The following WASF1 variants were observed in gnomAD, a reference collection of about 807,000 sequenced individuals.
WASF1 encodes WASP family member 1.
Under a neutral mutation model 50.5 loss-of-function variants are expected in WASF1, and 7 were observed. The ratio of observed to expected loss-of-function variants is 0.14; its 90% CI spans 0.08 to 0.26. WASF1 has a LOEUF of 0.26. WASF1 is among the 10% of genes least tolerant of loss of function. The pLI is 1.00. For missense variants in WASF1, 470 were observed against 694.7 expected (o/e 0.68, Z 3.64); for synonymous variants, 205 against 244.0 (o/e 0.84, Z 1.49).
chr6:110,172,247 G>A (rs898489886), intron 2 of WASF1, among the ~76,000 whole-genome samples: 3 of 152,128 alleles, frequency 2.0e-5, no homozygotes, highest in South Asian at 2.1e-4. Flanking sequence ...TGTTTATTGC[G>A]ACACCATTCA....
intron 2 of WASF1, among the ~76,000 whole-genome samples, chr6:110,175,531 A>G (rs1776892855): frequency 6.6e-6 from 1 of 152,152 alleles, no homozygotes; most frequent in Non-Finnish European, 1.5e-5. Context: ...ACTCTCAGGA[A>G]AAAAAGGGGG....
chr6:110,137,865 G>T (rs1775037819), intron 3 of WASF1, among the ~76,000 whole-genome samples: 1 of 152,340 alleles, frequency 6.6e-6, no homozygotes, highest in East Asian at 1.9e-4. Flanking sequence ...CTATTAAAAA[G>T]AAGTTGCAAT....
intron 4 of WASF1, among the ~76,000 whole-genome samples, chr6:110,115,552 C>A: frequency 6.6e-6 from 1 of 152,158 alleles, no homozygotes; most frequent in East Asian, 1.9e-4. Context: ...ACTCAGAACC[C>A]CATTAGTTTC....
At chr6:110,116,920 A>G (rs1773838731) in intron 4 of WASF1, among the ~76,000 whole-genome samples, 1 of 152,276 alleles carries the variant, frequency 6.6e-6, no homozygotes, top group Admixed American at 6.5e-5. Context: ...GCAAACTCCA[A>G]CAGACCTGTA....
At chr6:110,131,923 C>T (rs1014014674) in intron 3 of WASF1, among the ~76,000 whole-genome samples, 20 of 152,182 alleles carry the variant, frequency 1.3e-4, no homozygotes, top group African/African-American at 4.8e-4. Flanking sequence ...TCAAGTCACA[C>T]ATAACACATA....
intron 6 of WASF1, among the ~76,000 whole-genome samples, chr6:110,108,305 T>C (rs1200214524): frequency 6.6e-6 from 1 of 152,158 alleles, no homozygotes; most frequent in Non-Finnish European, 1.5e-5. Context: ...GTGGCTTTTC[T>C]AAACTTGTAA....
chr6:110,103,172 G>C (rs1338372700), intron 9 of WASF1, among the ~76,000 whole-genome samples: 1 of 152,116 alleles, frequency 6.6e-6, no homozygotes, highest in African/African-American at 2.4e-5. Flanking sequence ...CCTGCTCCCT[G>C]TTTTTATAAA....
chr6:110,172,137 G>A (rs1776747590), intron 2 of WASF1, among the ~76,000 whole-genome samples: 1 of 152,138 alleles, frequency 6.6e-6, no homozygotes, highest in South Asian at 2.1e-4. Context: ...ATTCCTCAAG[G>A]ATCTAGAACT....
At chr6:110,138,420 G>T (rs1775066324) in intron 3 of WASF1, among the ~76,000 whole-genome samples, 2 of 152,228 alleles carry the variant, frequency 1.3e-5, no homozygotes, top group African/African-American at 4.8e-5. Context: ...GGCAAGTGAG[G>T]ATCATGTTTC....
intron 3 of WASF1, among the ~76,000 whole-genome samples, chr6:110,140,372 TG>T (rs1461197089): frequency 6.6e-6 from 1 of 152,166 alleles, no homozygotes; most frequent in Non-Finnish European, 1.5e-5. Flanking sequence ...AATAATAAAT[TG>T]GTAAGTATAA....
intron 3 of WASF1, among the ~76,000 whole-genome samples, chr6:110,136,221 G>T (rs1774963076): frequency 2.0e-5 from 3 of 152,098 alleles, no homozygotes; most frequent in Non-Finnish European, 2.9e-5. Context: ...TCCTTGAAAA[G>T]TTTTTTGTTT....
At chr6:110,103,245 C>T in intron 9 of WASF1, 133 bp downstream of exon 9, 1 of 877,456 alleles carries the variant, frequency 1.1e-6, no homozygotes, top group Non-Finnish European at 1.7e-6. Context: ...GGCTTTCATG[C>T]AACAATGGCA....
chr6:110,175,735 G>A (rs1776902121), intron 2 of WASF1, among the ~76,000 whole-genome samples: 1 of 152,038 alleles, frequency 6.6e-6, no homozygotes, highest in Non-Finnish European at 1.5e-5. Context: ...GCCACTCACT[G>A]AACTGAGAAA....
intron 3 of WASF1, among the ~76,000 whole-genome samples, chr6:110,138,751 T>TA (rs1352272449): frequency 6.6e-6 from 1 of 152,166 alleles, no homozygotes; most frequent in African/African-American, 2.4e-5. Flanking sequence ...CTGAAGTTTT[T>TA]ATGGGCTCAG....
chr6:110,134,536 T>C (rs1181434149), intron 3 of WASF1, among the ~76,000 whole-genome samples: 1 of 151,854 alleles, frequency 6.6e-6, no homozygotes, highest in Non-Finnish European at 1.5e-5. Context: ...GTGATTCTCC[T>C]GCCTCAGCCT....
chr6:110,103,592 T>A, intron 8 of WASF1, 35 bp from the exon 9 acceptor site: 1 of 1,537,698 alleles, frequency 6.5e-7, no homozygotes, highest in African/African-American at 1.4e-5. Flanking sequence ...GAATTATTCT[T>A]GAATTATTGG....
chr6:110,165,818 T>C (rs530594727), intron 2 of WASF1, among the ~76,000 whole-genome samples: 85 of 151,868 alleles, frequency 5.6e-4, no homozygotes, highest in African/African-American at 1.9e-3. Flanking sequence ...CCTGAACTTC[T>C]GAATCAGAAT....
At chr6:110,148,346 T>C (rs1775673015) in intron 3 of WASF1, among the ~76,000 whole-genome samples, 1 of 151,994 alleles carries the variant, frequency 6.6e-6, no homozygotes, top group South Asian at 2.1e-4. Context: ...CCCCGTGTAT[T>C]TCCTAGAATC....
chr6:110,164,647 T>G (rs1460584964), intron 2 of WASF1, among the ~76,000 whole-genome samples: 2 of 151,712 alleles, frequency 1.3e-5, no homozygotes, highest in African/African-American at 4.8e-5. Flanking sequence ...TGGCAGTTTC[T>G]TATAAAATGA....
Sources: gnomAD v4.1 joint callset for allele counts (sites outside exome capture counted in the v4.1 genomes callset) on GRCh38, gnomAD v4.1.1 for gene constraint, MANE v1.5 for transcripts, NCBI Gene and HGNC (gene_info 2026-07-23, HGNC 2026-07-21) for gene names.